AGBL4: variants seen among roughly 807,000 people sequenced by gnomAD.
AGBL4 encodes cytosolic carboxypeptidase 6.
In AGBL4, 58 loss-of-function variants were observed where a neutral mutation model predicts 66.4. The observed-to-expected ratio is 0.87, with a 90% confidence interval of 0.71 to 1.09. The LOEUF is 1.09. AGBL4 is among the 50% of genes least tolerant of loss of function. AGBL4 has a pLI of 0.00. For missense variants in AGBL4, 579 were observed against 631.0 expected (o/e 0.92, Z 0.88); for synonymous variants, 234 against 222.9 (o/e 1.05, Z -0.44).
At chr1:48,998,440 C>T (rs1285180592) in intron 5 of AGBL4, among the ~76,000 whole-genome samples, 2 of 152,168 alleles carry the variant, frequency 1.3e-5, no homozygotes, top group African/African-American at 4.8e-5. Context: ...TTCTTCTCCT[C>T]CTTTTCTGGG....
chr1:49,574,847 G>T (rs557871693), intron 3 of AGBL4, among the ~76,000 whole-genome samples: 2 of 151,836 alleles, frequency 1.3e-5, no homozygotes, highest in Non-Finnish European at 2.9e-5. Context: ...TTGATAGGAC[G>T]CCTACTGCAT....
At chr1:49,021,554 T>C (rs904065177) in intron 5 of AGBL4, among the ~76,000 whole-genome samples, 1 of 152,172 alleles carries the variant, frequency 6.6e-6, no homozygotes, top group African/African-American at 2.4e-5. Flanking sequence ...GTCAGCAATA[T>C]GCAATCTGGA....
intron 2 of AGBL4, among the ~76,000 whole-genome samples, chr1:49,804,477 A>T (rs999156666): frequency 1.3e-5 from 2 of 152,208 alleles, no homozygotes; most frequent in African/African-American, 4.8e-5. Context: ...ACTTAAGAGT[A>T]TTCAACATTT....
At chr1:49,369,890 T>C (rs1644307360) in intron 3 of AGBL4, among the ~76,000 whole-genome samples, 1 of 151,678 alleles carries the variant, frequency 6.6e-6, no homozygotes, top group Admixed American at 6.6e-5. Context: ...ATGAAGACTT[T>C]AAAAATTCTC....
chr1:48,643,260 G>T (rs949493322), intron 8 of AGBL4, among the ~76,000 whole-genome samples: 2 of 152,136 alleles, frequency 1.3e-5, no homozygotes, highest in Non-Finnish European at 2.9e-5. Flanking sequence ...ATAACAAAAA[G>T]GTGCCCCCTC....
intron 3 of AGBL4, among the ~76,000 whole-genome samples, chr1:49,439,603 C>T (rs1570719734): frequency 6.6e-6 from 1 of 152,102 alleles, no homozygotes; most frequent in Non-Finnish European, 1.5e-5. Flanking sequence ...GAGATTAACA[C>T]CTGAGTCAGT....
chr1:48,779,263 A>G (rs1269454597), intron 6 of AGBL4, among the ~76,000 whole-genome samples: 1 of 152,114 alleles, frequency 6.6e-6, no homozygotes, highest in Non-Finnish European at 1.5e-5. Context: ...AACATTACCA[A>G]TCTCATCTCT....
intron 6 of AGBL4, among the ~76,000 whole-genome samples, chr1:48,683,367 CAT>C (rs1646483690): frequency 6.6e-6 from 1 of 152,230 alleles, no homozygotes; most frequent in South Asian, 2.1e-4. Context: ...AAAATCCTAA[CAT>C]AGAAGACCTT....
chr1:49,563,061 C>A (rs1257924731), intron 3 of AGBL4, among the ~76,000 whole-genome samples: 7 of 151,996 alleles, frequency 4.6e-5, no homozygotes, highest in Non-Finnish European at 8.8e-5. Context: ...ATTTTATTCT[C>A]TTTGAAGCAA....
chr1:49,554,697 C>T (rs1347428944), intron 3 of AGBL4, among the ~76,000 whole-genome samples: 2 of 152,176 alleles, frequency 1.3e-5, no homozygotes, highest in East Asian at 1.9e-4. Flanking sequence ...AGAATGAAGA[C>T]GCGGACCCTC....
intron 3 of AGBL4, among the ~76,000 whole-genome samples, chr1:49,591,920 C>T (rs1644758735): frequency 6.6e-6 from 1 of 152,076 alleles, no homozygotes; most frequent in Non-Finnish European, 1.5e-5. Context: ...TTCCTTACAC[C>T]ATATACAAAA....
intron 5 of AGBL4, among the ~76,000 whole-genome samples, chr1:48,965,745 G>T (rs1658367605): frequency 6.6e-6 from 1 of 152,058 alleles, no homozygotes; most frequent in Non-Finnish European, 1.5e-5. Context: ...TGGGTCTTGG[G>T]GTAAAGACAA....
chr1:49,858,022 A>C (rs529129425), intron 1 of AGBL4, among the ~76,000 whole-genome samples: 5 of 152,276 alleles, frequency 3.3e-5, no homozygotes, highest in Admixed American at 6.5e-5. Flanking sequence ...ACAACAACAA[A>C]AAAATAAAAT....
intron 4 of AGBL4, among the ~76,000 whole-genome samples, chr1:49,119,887 G>C (rs1161973675): frequency 1.3e-5 from 2 of 152,126 alleles, no homozygotes; most frequent in African/African-American, 4.8e-5. Context: ...TATATATTTA[G>C]GATAGTTAGC....
chr1:48,647,265 C>T (rs1029601574), intron 8 of AGBL4, among the ~76,000 whole-genome samples: 1 of 152,226 alleles, frequency 6.6e-6, no homozygotes, highest in African/African-American at 2.4e-5. Context: ...CACCTCCACA[C>T]TCCCAAGAAA....
At position 49,950,009 on chromosome 1, in the gene AGBL4, T is replaced by C. The variant is rs909052889; in HGVS notation, c.34+73754A>G. Among the ~76,000 whole-genome samples the C allele has an allele frequency of 1.3e-3, 132 of 102,840 alleles. 1 individual carries two copies. The East Asian group carries it at 0.02, about 15-fold the overall frequency. The allele number at this position is 102,840 out of a possible 152,430, so 67.5% of individuals were successfully genotyped here. ...GTATATATATATGTGTATATATATA[T>C]ACACACACATATGTGTGTGTGTGTA... On this transcript the variant is annotated intron_variant, in intron 1 of 13. Coordinates refer to ENST00000371839, the MANE Select transcript of AGBL4 (RefSeq NM_032785.4).
intron 6 of AGBL4, among the ~76,000 whole-genome samples, chr1:48,832,897 T>G (rs1310703419): frequency 6.6e-6 from 1 of 152,148 alleles, no homozygotes; most frequent in African/African-American, 2.4e-5. Flanking sequence ...TTCTCAGACC[T>G]TTGGACTTGG....
intron 6 of AGBL4, among the ~76,000 whole-genome samples, chr1:48,831,840 C>T (rs1446993721): frequency 1.3e-5 from 2 of 152,144 alleles, no homozygotes; most frequent in Non-Finnish European, 2.9e-5. Context: ...TGAGGATTAC[C>T]TCATCTCTGC....
intron 3 of AGBL4, among the ~76,000 whole-genome samples, chr1:49,479,703 C>CTTT (rs1351125149): frequency 3.7e-5 from 5 of 136,880 alleles, no homozygotes; most frequent in Non-Finnish European, 3.2e-5. Context: ...TTCTTTTTTT[C>CTTT]TTTTTTTTTT....
Sources: gnomAD v4.1 joint callset for allele counts (sites outside exome capture counted in the v4.1 genomes callset) on GRCh38, gnomAD v4.1.1 for gene constraint, MANE v1.5 for transcripts, NCBI Gene and HGNC (gene_info 2026-07-23, HGNC 2026-07-21) for gene names.